Variants in VPS36 observed in about 807,000 individuals in gnomAD.
The protein encoded by VPS36 is vacuolar protein-sorting-associated protein 36.
In VPS36, 31 loss-of-function variants were observed where a neutral mutation model predicts 63.5. The ratio of observed to expected loss-of-function variants is 0.49; its 90% CI spans 0.37 to 0.66. The LOEUF (loss-of-function observed/expected upper bound fraction) is 0.66. VPS36 is among the 30% of genes least tolerant of loss of function. VPS36 has a pLI of 0.00. For synonymous variants in VPS36, 138 were observed against 157.2 expected (o/e 0.88, Z 0.91); for missense variants, 338 against 463.7 (o/e 0.73, Z 2.49).
At chr13:52,443,904 T>A (rs557082858) in intron 1 of VPS36, among the ~76,000 whole-genome samples, 4 of 152,290 alleles carry the variant, frequency 2.6e-5, no homozygotes, top group South Asian at 2.1e-4. Flanking sequence ...TATTGGAAGC[T>A]ATTAACTCGA....
At chr13:52,421,423 G>C (rs561207846) in intron 10 of VPS36, among the ~76,000 whole-genome samples, 1 of 151,514 alleles carries the variant, frequency 6.6e-6, no homozygotes, top group South Asian at 2.1e-4. Context: ...CAAAGTTACA[G>C]TTAAGACAGG....
rs1555254528 is a variant in VPS36, at chr13:52,415,935, C to T, written c.1068-12G>A. The stretch of plus-strand genomic sequence containing the variant: ...CTGCAAGCAGCAACCTAAAAAAAAA[C>T]AACAAAAAAACCCCCACACAATTAT... On this transcript the variant is annotated splice_polypyrimidine_tract_variant and intron_variant, in intron 13 of 13. Coordinates refer to ENST00000378060, the MANE Select transcript of VPS36 (RefSeq NM_016075.4). 2.5e-6 allele frequency: 4 copies of T among 1,611,652 alleles called. No homozygotes were observed. Among genetic ancestry groups the T allele is most frequent in the Non-Finnish European group, 2.5e-6 (3 of 1,179,304 alleles).
rs139765472 is a variant in VPS36 at position 52,424,436 on chromosome 13, G to A, written c.775-797C>T. Among the ~76,000 whole-genome samples, 88 of 152,124 alleles carry A rather than the reference G, an allele frequency of 5.8e-4. 1 individual carries two copies. In the East Asian group the frequency reaches 0.012, roughly 20 times the overall value. ...AGTACACAACAGCCTCTATGAAATA[G>A]TCCTGCAATAATAATTTAAAAAAAC... On this transcript the variant is annotated intron_variant, in intron 9 of 13. Coordinates refer to ENST00000378060, the MANE Select transcript of VPS36 (RefSeq NM_016075.4).
intron 1 of VPS36, among the ~76,000 whole-genome samples, chr13:52,446,983 C>T (rs1958349953): frequency 6.6e-6 from 1 of 150,888 alleles, no homozygotes; most frequent in Non-Finnish European, 1.5e-5. Context: ...TCAAGCCATT[C>T]TCCTGCCTCA....
intron 6 of VPS36, among the ~76,000 whole-genome samples, chr13:52,431,826 G>T (rs1958161778): frequency 6.6e-6 from 1 of 151,516 alleles, no homozygotes; most frequent in Non-Finnish European, 1.5e-5. Flanking sequence ...GTTGATTCCG[G>T]ATCTGAGGCA....
chr13:52,415,281 A>G lies in VPS36; in HGVS notation c.*549T>C, dbSNP rs1957983359. The G allele has an allele frequency of 6.6e-6, 1 of 152,240 alleles. No individual in the cohort carries two copies. The highest frequency in any genetic ancestry group is 2.4e-5 in the African/African-American group (1 of 41,464). 9.4% of individuals were successfully genotyped at this position (152,240 alleles called of 1,614,324 possible). On this transcript the variant is annotated 3_prime_UTR_variant, in exon 14 of 14. Coordinates refer to ENST00000378060, the MANE Select transcript of VPS36 (RefSeq NM_016075.4). ...AAAAAACAAAGAGAAACTAGATAGA[A>G]TATATATAAATATATGTGTCAAATA...
chr13:52,449,838 A>C, intron 1 of VPS36: 1 of 820,080 alleles, frequency 1.2e-6, no homozygotes, highest in Non-Finnish European at 1.5e-6. Flanking sequence ...AACACTTTAC[A>C]AAACACGCTC....
chr13:52,439,006 T>A, intron 3 of VPS36, 92 bp downstream of exon 3: 1 of 1,109,068 alleles, frequency 9.0e-7, no homozygotes, highest in Non-Finnish European at 1.3e-6. Flanking sequence ...TAAGAATGGA[T>A]TCGTACATCA....
At position 52,437,055 on chromosome 13, in the gene VPS36, CT is replaced by C. The variant is rs1177631673; in HGVS notation, c.237-652del. On this transcript the variant is annotated intron_variant, in intron 3 of 13. Coordinates refer to ENST00000378060, the MANE Select transcript of VPS36 (RefSeq NM_016075.4). ...TCAGCTTAATAAGTCTGTTTTCCTC[CT>C]TTTTTTTTTTTCTACCTAGTCAATA... 4.0e-3 allele frequency among the ~76,000 whole-genome samples: 585 copies of C among 146,074 alleles called. 5 individuals carry two copies. The highest frequency in any genetic ancestry group is 0.012 in the African/African-American group (494 of 40,140).
Position 52,418,240 on chromosome 13 carries a change from A to G in VPS36, c.841-184T>C, listed in dbSNP as rs555271946. Among the ~76,000 whole-genome samples the G allele has an allele frequency of 2.1e-4, 32 of 152,198 alleles. No individual in the cohort carries two copies. In the South Asian group the frequency reaches 3.3e-3, roughly 16 times the overall value. On this transcript the variant is annotated intron_variant, in intron 10 of 13. Transcript: ENST00000378060. The stretch of plus-strand genomic sequence containing the variant: ...AGCAGTGGTACCCAATAAAATATGC[A>G]TGCCACATATGTCACTGCAAATTTT...
intron 11 of VPS36, 97 bp from the exon 12 acceptor site, chr13:52,417,238 T>C: frequency 2.0e-6 from 2 of 983,698 alleles, no homozygotes; most frequent in South Asian, 1.4e-5. Context: ...TATGCCCAGA[T>C]ATGAGGGCAA....
intron 6 of VPS36, 45 bp downstream of exon 6, chr13:52,433,617 A>C (rs756055505): frequency 9.2e-5 from 134 of 1,456,052 alleles, no homozygotes; most frequent in Middle Eastern, 5.7e-4. Flanking sequence ...AAAAGAATAG[A>C]CACAAATGGC....
chr13:52,441,884 G>A (rs1156384806), intron 2 of VPS36, among the ~76,000 whole-genome samples: 1 of 152,082 alleles, frequency 6.6e-6, no homozygotes, highest in East Asian at 1.9e-4. Context: ...GACAACCAGT[G>A]GTTTTAAGGA....
chr13:52,439,481 T>C (rs1041294717), intron 2 of VPS36, among the ~76,000 whole-genome samples: 3 of 152,142 alleles, frequency 2.0e-5, no homozygotes, highest in South Asian at 2.1e-4. Flanking sequence ...AGTCTCACTC[T>C]GTCACCCAGG....
chr13:52,441,320 T>C (rs1287533161), intron 2 of VPS36, among the ~76,000 whole-genome samples: 11 of 152,014 alleles, frequency 7.2e-5, no homozygotes, highest in African/African-American at 1.9e-4. Context: ...GGGGGAACAA[T>C]CAGGAAAATA....
intron 4 of VPS36, 133 bp from the exon 5 acceptor site, chr13:52,435,015 A>T: frequency 9.9e-6 from 8 of 807,198 alleles, no homozygotes; most frequent in Non-Finnish European, 1.3e-5. Context: ...CTTGTTGCCC[A>T]GGCTGGAGTG....
chr13:52,442,353 C>T (rs1958288363), intron 2 of VPS36, 24 bp downstream of exon 2: 1 of 1,595,736 alleles, frequency 6.3e-7, no homozygotes. Flanking sequence ...AAACCTACAA[C>T]AGATGCAAAA....
chr13:52,446,075 C>G (rs1458430924), intron 1 of VPS36, among the ~76,000 whole-genome samples: 2 of 149,484 alleles, frequency 1.3e-5, no homozygotes, highest in Non-Finnish European at 3.0e-5. Flanking sequence ...ATGGTGAAAC[C>G]CCGTCTCTAC....
chr13:52,450,041 G>C (rs541168053), intron 1 of VPS36: 6 of 987,360 alleles, frequency 6.1e-6, no homozygotes, highest in Middle Eastern at 5.2e-4. Flanking sequence ...CGGACTGTAC[G>C]GCCACCGCGC....
Sources: allele counts gnomAD v4.1 joint callset (sites outside exome capture counted in the v4.1 genomes callset), GRCh38; gene constraint gnomAD v4.1.1; transcripts MANE v1.5; gene names NCBI Gene and HGNC (gene_info 2026-07-23, HGNC 2026-07-21).